The following COG5 variants were observed in gnomAD, a reference collection of about 807,000 sequenced individuals.
The protein encoded by COG5 is conserved oligomeric Golgi complex subunit 5.
In COG5, 86 loss-of-function variants were observed where a neutral mutation model predicts 110.4. The observed-to-expected ratio is 0.78, with a 90% CI of 0.65 to 0.93. COG5 has a LOEUF of 0.93. COG5 is among the 40% of genes least tolerant of loss of function. The pLI is 0.00. For synonymous variants in COG5, 360 were observed against 334.6 expected (o/e 1.08, Z -0.83); for missense variants, 1,077 against 987.0 (o/e 1.09, Z -1.22).
At chr7:107,294,841 G>A (rs1321888866) in intron 12 of COG5, among the ~76,000 whole-genome samples, 39 of 135,416 alleles carry the variant, frequency 2.9e-4, no homozygotes, top group African/African-American at 1.0e-3. Flanking sequence ...TCAGCCTTCT[G>A]AGTAGCTGGG....
chr7:107,352,182 C>T (rs905704619), intron 10 of COG5, among the ~76,000 whole-genome samples: 1 of 147,956 alleles, frequency 6.8e-6, no homozygotes, highest in African/African-American at 2.5e-5. Flanking sequence ...AGCTGGAAAC[C>T]ATCATTCTCA....
intron 5 of COG5, among the ~76,000 whole-genome samples, chr7:107,541,521 A>ATATATATATATAT (rs1429787315): frequency 1.7e-5 from 1 of 58,976 alleles, no homozygotes; most frequent in East Asian, 4.6e-4. Flanking sequence ...AAAAAAAAAA[A>ATATATATATATAT]AAATATATAT....
At chr7:107,287,610 A>T (rs1805751670) in intron 12 of COG5, among the ~76,000 whole-genome samples, 2 of 152,142 alleles carry the variant, frequency 1.3e-5, no homozygotes. Flanking sequence ...TCAAAAAGAA[A>T]TCTTGTATCT....
In COG5 at chr7:107,412,466, A is replaced by G. The variant is rs777192608; in HGVS notation, c.669+36T>C. The G allele has an allele frequency of 3.8e-6, 6 of 1,597,398 alleles. No individual in the cohort carries two copies. The African/African-American group carries it at 8.1e-5, about 21-fold the overall frequency. ...CAAATGTTCACCTGTATTATGACAC[A>G]TTTTTTACATTAAAAAACAGTCTTA... On this transcript the variant is annotated intron_variant, in intron 7 of 21. Transcript: ENST00000297135.
chr7:107,384,070 T>G (rs1815356212), intron 7 of COG5, among the ~76,000 whole-genome samples: 1 of 152,200 alleles, frequency 6.6e-6, no homozygotes, highest in Non-Finnish European at 1.5e-5. Flanking sequence ...TTGTTTCATT[T>G]TGATACATGT....
At chr7:107,494,736 A>T (rs1169649639) in intron 6 of COG5, among the ~76,000 whole-genome samples, 1 of 152,196 alleles carries the variant, frequency 6.6e-6, no homozygotes, top group African/African-American at 2.4e-5. Flanking sequence ...ATAACCAAAG[A>T]AAGATTTACT....
At chr7:107,427,462 G>C (rs1231459727) in intron 6 of COG5, among the ~76,000 whole-genome samples, 1 of 152,058 alleles carries the variant, frequency 6.6e-6, no homozygotes, top group Non-Finnish European at 1.5e-5. Flanking sequence ...ATACTCTTCT[G>C]TTATGGACTG....
chr7:107,385,358 T>C (rs1790112167), intron 7 of COG5, among the ~76,000 whole-genome samples: 1 of 152,222 alleles, frequency 6.6e-6, no homozygotes, highest in Non-Finnish European at 1.5e-5. Flanking sequence ...CAATTTTTTC[T>C]TCTTAAATTC....
intron 17 of COG5, among the ~76,000 whole-genome samples, chr7:107,243,638 C>T (rs1801826000): frequency 6.6e-6 from 1 of 151,816 alleles, no homozygotes; most frequent in East Asian, 1.9e-4. Flanking sequence ...CAAAGACATT[C>T]AGGACCTAAA....
chr7:107,412,585 T>C lies in COG5; in HGVS notation c.586A>G (p.Asn196Asp), dbSNP rs201841638. Reference protein sequence around the residue: ...IDLSGIEVIENDLLFIARARL... With the variant: ...IDLSGIEVIEDDLLFIARARL... ...GCTCTTGCAATAAAAAGTAGATCAT[T>C]TTCTATCACTTCTATTCCAGAAAGA... Residue 196 changes from asparagine (N) to aspartate (D), a missense_variant, in exon 7 of 22, where the codon AAT becomes GAT. Asn to Asp is a conservative substitution (Grantham distance 23). Coordinates refer to ENST00000297135, the MANE Select transcript of COG5 (RefSeq NM_006348.5). 204 of 1,590,598 alleles carry C rather than the reference T, an allele frequency of 1.3e-4. No homozygotes were observed. The highest frequency in any genetic ancestry group is 1.7e-4 in the Non-Finnish European group (196 of 1,159,380).
chr7:107,387,766 G>A (rs1214220396), intron 7 of COG5, among the ~76,000 whole-genome samples: 3 of 152,198 alleles, frequency 2.0e-5, no homozygotes, highest in East Asian at 1.9e-4. Context: ...AGCTGAGATC[G>A]GGGCTCTGAT....
intron 5 of COG5, among the ~76,000 whole-genome samples, chr7:107,532,024 AG>A (rs1382753829): frequency 3.3e-5 from 5 of 152,180 alleles, no homozygotes; most frequent in Non-Finnish European, 7.3e-5. Flanking sequence ...GATTTCTCAA[AG>A]AAGCCCTGGT....
rs1348390072 is a variant in COG5, at chr7:107,202,488, T to TATTA, written c.*1024_*1027dup. The TATTA allele has an allele frequency of 1.3e-5, 2 of 152,614 alleles. No individual in the cohort carries two copies. Among genetic ancestry groups the TATTA allele is most frequent in the African/African-American group, 4.8e-5 (2 of 41,448 alleles). The allele number at this position is 152,614 out of a possible 1,614,324, so 9.5% of individuals were successfully genotyped here. A position where few individuals can be genotyped will look rare whatever the true frequency, so the allele number is the denominator to read the frequency against. ...AAATTTTGCACACTATATTCTTGTA[T>TATTA]ATTATTTCAAATAAATGGAAAAAAA... On this transcript the variant is annotated 3_prime_UTR_variant, in exon 22 of 22. Transcript: ENST00000297135.
intron 6 of COG5, among the ~76,000 whole-genome samples, chr7:107,508,085 C>T (rs1799169664): frequency 1.3e-5 from 2 of 152,238 alleles, no homozygotes; most frequent in South Asian, 2.1e-4. Context: ...CGAGGCATTG[C>T]CTCACTCGGG....
At chr7:107,336,851 C>T (rs1268809469) in intron 10 of COG5, among the ~76,000 whole-genome samples, 1 of 152,124 alleles carries the variant, frequency 6.6e-6, no homozygotes, top group Non-Finnish European at 1.5e-5. Context: ...GGGGAATGAC[C>T]CAGCCAGCTC....
chr7:107,335,360 A>G (rs1216586677), intron 10 of COG5, among the ~76,000 whole-genome samples: 1 of 152,212 alleles, frequency 6.6e-6, no homozygotes, highest in Non-Finnish European at 1.5e-5. Context: ...ACTGCACTCC[A>G]GCCTGGGCTA....
rs75002585 is a variant in COG5 at position 107,217,084 on chromosome 7, A to G, written c.2169-5859T>C. Among the ~76,000 whole-genome samples, 62 of 152,300 alleles carry G rather than the reference A, an allele frequency of 4.1e-4. No homozygotes were observed. The East Asian group carries it at 0.011, about 28-fold the overall frequency. On this transcript the variant is annotated intron_variant, in intron 19 of 21. Coordinates refer to ENST00000297135, the MANE Select transcript of COG5 (RefSeq NM_006348.5). The stretch of plus-strand genomic sequence containing the variant: ...ATACAAAGGATAATGAGCGATTACT[A>G]TGACAAATCATATGGCCACAAATCC...
intron 11 of COG5, among the ~76,000 whole-genome samples, chr7:107,322,511 A>G (rs962294258): frequency 6.6e-6 from 1 of 152,164 alleles, no homozygotes; most frequent in Non-Finnish European, 1.5e-5. Flanking sequence ...GTGGAAGCTA[A>G]AACCCCAATA....
intron 17 of COG5, among the ~76,000 whole-genome samples, chr7:107,245,258 C>T (rs1299170384): frequency 1.3e-5 from 2 of 152,122 alleles, no homozygotes; most frequent in African/African-American, 2.4e-5. Flanking sequence ...GCCAACATTA[C>T]ACTGAATGGG....
Sources: allele counts gnomAD v4.1 joint callset (sites outside exome capture counted in the v4.1 genomes callset), GRCh38; gene constraint gnomAD v4.1.1; transcripts MANE v1.5; gene names NCBI Gene and HGNC (gene_info 2026-07-23, HGNC 2026-07-21).